BICC1: variants seen among roughly 807,000 people sequenced by gnomAD.
BICC1 encodes BicC family RNA binding protein 1.
In BICC1, 43 loss-of-function variants were observed where a neutral mutation model predicts 111.0. The observed-to-expected ratio is 0.39, with a 90% CI of 0.30 to 0.50. The LOEUF (loss-of-function observed/expected upper bound fraction) is 0.50, where lower values mean the gene tolerates loss of function less well. Among genes scored for constraint, BICC1 ranks in the 20% least tolerant of loss-of-function variants. The probability of loss-of-function intolerance (pLI) is 0.88; values close to 1 mark genes in which losing one functional copy is unlikely to be tolerated. For missense variants in BICC1, 1,091 were observed against 1,203.2 expected (o/e 0.91, Z 1.38); for synonymous variants, 467 against 434.4 (o/e 1.07, Z -0.93).
intron 1 of BICC1, among the ~76,000 whole-genome samples, chr10:58,573,708 G>A (rs1010988101): frequency 2.6e-5 from 4 of 152,112 alleles, no homozygotes; most frequent in Non-Finnish European, 4.4e-5. Context: ...TGAGGTGCCT[G>A]CTGTCTGTCC....
intron 1 of BICC1, among the ~76,000 whole-genome samples, chr10:58,543,065 A>G (rs970609866): frequency 6.6e-6 from 1 of 152,122 alleles, no homozygotes; most frequent in African/African-American, 2.4e-5. Flanking sequence ...ATATGTGCAC[A>G]CCCATTTGCA....
intron 20 of BICC1, among the ~76,000 whole-genome samples, chr10:58,826,885 C>G (rs534265306): frequency 7.2e-5 from 11 of 152,284 alleles, no homozygotes; most frequent in Admixed American, 3.9e-4. Flanking sequence ...AGCTGCCCAC[C>G]CTTGAGCCTT....
intron 3 of BICC1, among the ~76,000 whole-genome samples, chr10:58,775,419 A>G (rs1283441062): frequency 6.6e-6 from 1 of 152,140 alleles, no homozygotes; most frequent in Non-Finnish European, 1.5e-5. Context: ...AACAAAAAAA[A>G]ACATTTAAGC....
At chr10:58,697,531 A>G (rs986744293) in intron 2 of BICC1, among the ~76,000 whole-genome samples, 1 of 152,082 alleles carries the variant, frequency 6.6e-6, no homozygotes, top group African/African-American at 2.4e-5. Flanking sequence ...ACAAATAGTC[A>G]TTTTCTTCTC....
rs1294674221 is a variant in BICC1 at position 58,700,543 on chromosome 10, C to T, written c.238-1531C>T. On this transcript the variant is annotated intron_variant, in intron 2 of 20. Transcript: ENST00000373886. ...CTGTAGGATTAAGGTAACGAGCTCA[C>T]CTGCCTTCAGGGCCAGACCAGTACC... Among the ~76,000 whole-genome samples, 6 of 152,144 alleles carry T rather than the reference C, an allele frequency of 3.9e-5. No individual in the cohort carries two copies. In the East Asian group the frequency reaches 1.2e-3, roughly 29 times the overall value.
At chr10:58,616,980 G>A (rs1796351388) in intron 1 of BICC1, among the ~76,000 whole-genome samples, 1 of 152,236 alleles carries the variant, frequency 6.6e-6, no homozygotes, top group East Asian at 1.9e-4. Context: ...GGGCTATTCA[G>A]CAGGCACAAG....
In BICC1 at chr10:58,676,610, T is replaced by C. The variant is rs560852748; in HGVS notation, c.238-25464T>C. Reference sequence around the variant, plus strand: ...GAGCACCTGGGGAAAGGGGTGGCTGTGGGTACAGCATCAGCAGGCTTAAAT... The same window carrying C: ...GAGCACCTGGGGAAAGGGGTGGCTGCGGGTACAGCATCAGCAGGCTTAAAT... On this transcript the variant is annotated intron_variant, in intron 2 of 20. Transcript: ENST00000373886. 2.7e-4 allele frequency among the ~76,000 whole-genome samples: 41 copies of C among 152,248 alleles called. No homozygotes were observed. The South Asian group carries it at 5.8e-3, about 22-fold the overall frequency.
At chr10:58,587,616 C>A (rs1489212654) in intron 1 of BICC1, among the ~76,000 whole-genome samples, 1 of 152,124 alleles carries the variant, frequency 6.6e-6, no homozygotes, top group African/African-American at 2.4e-5. Context: ...GGTAATATTC[C>A]TTACTGGCTT....
At chr10:58,581,820 CA>C (rs1440193177) in intron 1 of BICC1, among the ~76,000 whole-genome samples, 1 of 151,910 alleles carries the variant, frequency 6.6e-6, no homozygotes, top group African/African-American at 2.4e-5. Flanking sequence ...ATGCACATGG[CA>C]AATTTCAGAA....
In BICC1 at chr10:58,587,724, A is replaced by G. The variant is rs112316040; in HGVS notation, c.191-33131A>G. Among the ~76,000 whole-genome samples the G allele has an allele frequency of 4.5e-3, 682 of 152,268 alleles. 5 individuals are homozygous for G. The highest frequency in any genetic ancestry group is 0.014 in the African/African-American group (581 of 41,548). ...AAGTTATGGCATATGGAAATGTTCT[A>G]TTGTAGGATAAAGTGGCGGAGTAGT... On this transcript the variant is annotated intron_variant, in intron 1 of 20. Coordinates refer to ENST00000373886, the MANE Select transcript of BICC1 (RefSeq NM_001080512.3).
intron 1 of BICC1, among the ~76,000 whole-genome samples, chr10:58,534,020 T>C (rs1425256919): frequency 6.6e-6 from 1 of 151,828 alleles, no homozygotes; most frequent in Non-Finnish European, 1.5e-5. Flanking sequence ...AACTATATGC[T>C]GTCTACAAGA....
intron 3 of BICC1, among the ~76,000 whole-genome samples, chr10:58,776,500 G>A (rs1842752074): frequency 6.6e-6 from 1 of 152,158 alleles, no homozygotes; most frequent in South Asian, 2.1e-4. Context: ...ACAATTTCCT[G>A]GGGATGCTTT....
chr10:58,513,235 C>T lies in BICC1; in HGVS notation c.92C>T (p.Ser31Phe), dbSNP rs1842143577. The T allele has an allele frequency of 1.9e-6, 3 of 1,612,694 alleles. No individual in the cohort carries two copies. The South Asian group carries it at 3.3e-5, about 18-fold the overall frequency. ...AGCACCGACTCCCCAGTGCCCGGCTCCGAGGACGACTTGGTCGCCGGGGCG... is the reference window on the plus strand; with the variant it reads ...AGCACCGACTCCCCAGTGCCCGGCTTCGAGGACGACTTGGTCGCCGGGGCG... Reference protein sequence around the residue: ...ERSTDSPVPGSEDDLVAGATL... With the variant: ...ERSTDSPVPGFEDDLVAGATL... Residue 31 changes from serine to phenylalanine, a missense_variant, in exon 1 of 21, where the codon TCC (serine) becomes TTC (phenylalanine). Physicochemically the swap from Ser to Phe is radical, Grantham distance 155. Around this residue, in one of 3 missense-constraint regions of BICC1, gnomAD observed 843 missense variants for 900.8 expected, o/e 0.94. Transcript: ENST00000373886.
In BICC1 at chr10:58,590,280, A is replaced by G. The variant is rs575820279; in HGVS notation, c.191-30575A>G. Reference sequence around the variant, plus strand: ...GCCTATCCCTTGCCTAGCTATGCGCAGTCTGGCCTTGACTGGAAGCAGGAA... The same window carrying G: ...GCCTATCCCTTGCCTAGCTATGCGCGGTCTGGCCTTGACTGGAAGCAGGAA... On this transcript the variant is annotated intron_variant, in intron 1 of 20. Transcript: ENST00000373886. 5.9e-5 allele frequency among the ~76,000 whole-genome samples: 9 copies of G among 152,276 alleles called. No individual in the cohort carries two copies. In the South Asian group the frequency reaches 1.9e-3, roughly 32 times the overall value.
intron 2 of BICC1, among the ~76,000 whole-genome samples, chr10:58,660,188 C>G (rs538434559): frequency 6.6e-6 from 1 of 152,298 alleles, no homozygotes; most frequent in East Asian, 1.9e-4. Context: ...TATTCCCAGA[C>G]AGCCCTTATA....
In BICC1 at chr10:58,749,304, T is replaced by C. The variant is rs144610850; in HGVS notation, c.308-35697T>C. Among the ~76,000 whole-genome samples the C allele has an allele frequency of 2.6e-3, 403 of 152,266 alleles. 1 individual carries two copies. The highest frequency in any genetic ancestry group is 9.4e-3 in the African/African-American group (390 of 41,570). On this transcript the variant is annotated intron_variant, in intron 3 of 20. Coordinates refer to ENST00000373886, the MANE Select transcript of BICC1 (RefSeq NM_001080512.3). ...CTGAGTTCCTGTTGGGTTTCTGTTA[T>C]GCTCTATTTAGAATTAAGAATCATG...
Position 58,595,950 on chromosome 10 carries a change from AATAG to A in BICC1, c.191-24899_191-24896del, listed in dbSNP as rs1366962984. Among the ~76,000 whole-genome samples the A allele has an allele frequency of 1.1e-4, 17 of 152,334 alleles. No individual in the cohort carries two copies. In the East Asian group the frequency reaches 3.3e-3, roughly 29 times the overall value. ...GCTGATTTTTTGAAAAGATCAACAA[AATAG>A]ATAGACTGCTAGCCAGACTAATAAG... On this transcript the variant is annotated intron_variant, in intron 1 of 20. Transcript: ENST00000373886.
intron 2 of BICC1, chr10:58,648,714 A>G: frequency 1.1e-6 from 1 of 942,478 alleles, no homozygotes; most frequent in Non-Finnish European, 1.3e-6. Flanking sequence ...CTGTTGTTTG[A>G]CCATAATGCT....
intron 3 of BICC1, among the ~76,000 whole-genome samples, chr10:58,712,101 G>T (rs1056789627): frequency 1.3e-5 from 2 of 152,196 alleles, no homozygotes; most frequent in African/African-American, 4.8e-5. Flanking sequence ...CATGTGAAAA[G>T]ATCCTCAACA....
Sources: allele counts gnomAD v4.1 joint callset (sites outside exome capture counted in the v4.1 genomes callset), GRCh38; gene constraint gnomAD v4.1.1; regional missense constraint gnomAD v4.1.1; transcripts MANE v1.5; gene names NCBI Gene and HGNC (gene_info 2026-07-23, HGNC 2026-07-21).